The following SMYD3 variants were observed in gnomAD, a reference collection of about 807,000 sequenced individuals.
SMYD3 encodes SET and MYND domain containing 3, also known as histone-lysine N-methyltransferase SMYD3.
A neutral mutation model predicts 57.7 loss-of-function variants in SMYD3; 36 were observed. The ratio of observed to expected loss-of-function variants is 0.62; its 90% CI spans 0.48 to 0.82. The LOEUF (loss-of-function observed/expected upper bound fraction) is 0.82. Ranked by LOEUF, SMYD3 falls within the 40% of genes least tolerant of loss-of-function variation. SMYD3 has a pLI of 0.00. For synonymous variants in SMYD3, 211 were observed against 195.0 expected, an observed-to-expected ratio of 1.08 and a Z score of -0.68; for missense variants, 515 against 538.8, an observed-to-expected ratio of 0.96 and a Z score of 0.44.
At chr1:245,958,038 G>C (rs964685877) in intron 5 of SMYD3, among the ~76,000 whole-genome samples, 5 of 152,110 alleles carry the variant, frequency 3.3e-5, no homozygotes, top group African/African-American at 1.2e-4. Context: ...GCGGGGGGGA[G>C]AAACAAGCGG....
intron 1 of SMYD3, among the ~76,000 whole-genome samples, chr1:246,460,392 C>G (rs1389857389): frequency 6.6e-6 from 1 of 152,126 alleles, no homozygotes; most frequent in African/African-American, 2.4e-5. Context: ...GGATCTTGAT[C>G]AATTTGTAAA....
intron 10 of SMYD3, among the ~76,000 whole-genome samples, chr1:245,835,396 G>T (rs1255308340): frequency 1.3e-5 from 2 of 152,056 alleles, no homozygotes; most frequent in African/African-American, 4.8e-5. Flanking sequence ...GGGATTACAG[G>T]CGTGAGCCAC....
At chr1:246,444,650 G>A (rs915403938) in intron 1 of SMYD3, among the ~76,000 whole-genome samples, 4 of 152,162 alleles carry the variant, frequency 2.6e-5, no homozygotes, top group Non-Finnish European at 5.9e-5. Flanking sequence ...TGCAGACATT[G>A]AGCATCTAAA....
chr1:246,423,679 AAGAT>A (rs900271608), intron 1 of SMYD3, among the ~76,000 whole-genome samples: 12 of 152,210 alleles, frequency 7.9e-5, no homozygotes, highest in African/African-American at 2.9e-4. Flanking sequence ...AATAAAAAAA[AAGAT>A]AGCCTGCACT....
chr1:246,080,524 G>A (rs367927189), intron 5 of SMYD3, among the ~76,000 whole-genome samples: 215 of 152,250 alleles, frequency 1.4e-3, no homozygotes, highest in African/African-American at 5.0e-3. Context: ...GGTTCCTGGT[G>A]CCAGAAAGGT....
intron 5 of SMYD3, among the ~76,000 whole-genome samples, chr1:246,024,373 A>G (rs2059535584): frequency 1.5e-5 from 2 of 137,598 alleles, no homozygotes; most frequent in Non-Finnish European, 3.1e-5. Flanking sequence ...AGCATCTAGG[A>G]AGGGAGATAC....
At chr1:245,805,339 C>T (rs545006057) in intron 10 of SMYD3, among the ~76,000 whole-genome samples, 29 of 152,246 alleles carry the variant, frequency 1.9e-4, no homozygotes, top group African/African-American at 6.7e-4. Flanking sequence ...TTGCACAAGC[C>T]AAGACCTAAG....
intron 5 of SMYD3, among the ~76,000 whole-genome samples, chr1:246,093,925 C>T (rs1247681300): frequency 6.6e-6 from 1 of 152,144 alleles, no homozygotes; most frequent in Non-Finnish European, 1.5e-5. Flanking sequence ...CAGAACCACA[C>T]AGCCCATACA....
intron 5 of SMYD3, among the ~76,000 whole-genome samples, chr1:245,961,628 T>C (rs943998638): frequency 7.2e-5 from 11 of 152,248 alleles, no homozygotes; most frequent in East Asian, 1.9e-4. Context: ...CCATTTTTTT[T>C]CCCCACTCCA....
chr1:246,149,336 T>C (rs1558269403), intron 5 of SMYD3, among the ~76,000 whole-genome samples: 2 of 152,224 alleles, frequency 1.3e-5, no homozygotes, highest in Non-Finnish European at 2.9e-5. Flanking sequence ...CCTGTCCCCA[T>C]CACTGGGCCT....
At chr1:245,829,517 G>A (rs1016550341) in intron 10 of SMYD3, among the ~76,000 whole-genome samples, 2 of 152,100 alleles carry the variant, frequency 1.3e-5, no homozygotes, top group African/African-American at 2.4e-5. Flanking sequence ...GGTACTCTCC[G>A]TATTACTCTC....
intron 5 of SMYD3, among the ~76,000 whole-genome samples, chr1:246,119,379 G>C (rs1235247583): frequency 1.3e-5 from 2 of 150,960 alleles, no homozygotes; most frequent in Non-Finnish European, 2.9e-5. Flanking sequence ...CTAAGTCCAA[G>C]CTGTAACTAA....
intron 5 of SMYD3, among the ~76,000 whole-genome samples, chr1:245,992,565 TG>T (rs1340379378): frequency 1.4e-5 from 2 of 147,040 alleles, no homozygotes. Flanking sequence ...GGAGTGGTCA[TG>T]GATCGGCCAC....
intron 5 of SMYD3, among the ~76,000 whole-genome samples, chr1:245,968,079 A>G (rs1299791826): frequency 2.6e-5 from 4 of 152,108 alleles, no homozygotes; most frequent in Non-Finnish European, 4.4e-5. Context: ...GAAAATCCAG[A>G]TTTCTCTACT....
intron 5 of SMYD3, among the ~76,000 whole-genome samples, chr1:246,126,669 T>C (rs2061514304): frequency 6.6e-6 from 1 of 152,204 alleles, no homozygotes; most frequent in South Asian, 2.1e-4. Context: ...TGTATACTTA[T>C]TTACTCCTTA....
chr1:245,761,942 T>C (rs1446123599), intron 11 of SMYD3, among the ~76,000 whole-genome samples: 1 of 151,994 alleles, frequency 6.6e-6, no homozygotes, highest in African/African-American at 2.4e-5. Context: ...CCCGTTATCA[T>C]GCTCAGCTAA....
chr1:245,779,886 A>G (rs1213146998), intron 10 of SMYD3, among the ~76,000 whole-genome samples: 17 of 152,224 alleles, frequency 1.1e-4, no homozygotes, highest in Admixed American at 1.1e-3. Context: ...ATATTTTTCC[A>G]AAGAAGATAC....
intron 11 of SMYD3, among the ~76,000 whole-genome samples, chr1:245,762,855 G>A (rs115734864): frequency 0.02 from 3,038 of 152,248 alleles, 51 homozygotes; most frequent in Non-Finnish European, 0.028. Context: ...TCCTTCCACC[G>A]TCACTCTTCT....
intron 5 of SMYD3, among the ~76,000 whole-genome samples, chr1:246,285,936 C>T (rs2064552336): frequency 6.6e-6 from 1 of 152,042 alleles, no homozygotes; most frequent in Non-Finnish European, 1.5e-5. Flanking sequence ...AATCACAATG[C>T]AATACCACCT....
Sources: allele counts gnomAD v4.1 joint callset (sites outside exome capture counted in the v4.1 genomes callset), GRCh38; gene constraint gnomAD v4.1.1; transcripts MANE v1.5; gene names NCBI Gene and HGNC (gene_info 2026-07-23, HGNC 2026-07-21).